The following BMPR1A variants were observed in gnomAD, a reference collection of about 807,000 sequenced individuals.
BMPR1A encodes bone morphogenetic protein receptor type 1A.
Under a neutral mutation model 66.0 loss-of-function variants are expected in BMPR1A, and 7 were observed. That is an observed-to-expected ratio of 0.11 (90% CI 0.06 to 0.20). BMPR1A has a LOEUF of 0.20. Among genes scored for constraint, BMPR1A ranks in the 10% least tolerant of loss-of-function variants. The probability of loss-of-function intolerance (pLI) is 1.00; values close to 1 mark genes in which losing one functional copy is unlikely to be tolerated. For missense variants in BMPR1A, 408 were observed against 669.1 expected (o/e 0.61, Z 4.31); for synonymous variants, 200 against 229.7 (o/e 0.87, Z 1.17).
At chr10:86,883,582 C>A (rs1329462098) in intron 3 of BMPR1A, among the ~76,000 whole-genome samples, 1 of 142,000 alleles carries the variant, frequency 7.0e-6, no homozygotes, top group Non-Finnish European at 1.5e-5. Flanking sequence ...ACCAGCCTGG[C>A]CAACATGGTG....
chr10:86,846,373 G>A lies in BMPR1A; in HGVS notation c.-153+7394G>A, dbSNP rs190091289. 2.5e-4 allele frequency among the ~76,000 whole-genome samples: 38 copies of A among 152,316 alleles called. No individual in the cohort carries two copies. In the East Asian group the frequency reaches 7.1e-3, roughly 29 times the overall value. ...AGAAGCTGGCTGACAGCACTGACAA[G>A]CCATCCTGTCTGTCCTTGGGGTGTA... On this transcript the variant is annotated intron_variant, in intron 2 of 12. Coordinates refer to ENST00000372037, the MANE Select transcript of BMPR1A (RefSeq NM_004329.3).
rs1470558308 is a variant in BMPR1A, at chr10:86,925,405, C to T, written c.*1686C>T. On this transcript the variant is annotated 3_prime_UTR_variant, in exon 13 of 13. Coordinates refer to ENST00000372037, the MANE Select transcript of BMPR1A (RefSeq NM_004329.3). ...ATGTCCACCCATTACCAAAATTTGA[C>T]TATCATTTAAGGTTAAAACTTACAA... 2 of 217,786 alleles carry T rather than the reference C, an allele frequency of 9.2e-6. No homozygotes were observed. The highest frequency in any genetic ancestry group is 1.8e-5 in the Non-Finnish European group (2 of 108,512). 13.5% of individuals were successfully genotyped at this position (217,786 alleles called of 1,614,324 possible).
intron 2 of BMPR1A, among the ~76,000 whole-genome samples, chr10:86,841,763 G>A (rs1032354891): frequency 6.6e-6 from 1 of 152,136 alleles, no homozygotes; most frequent in African/African-American, 2.4e-5. Flanking sequence ...AGAACTTTCA[G>A]TTCCCGCCCC....
At chr10:86,858,733 C>T (rs1842677251) in intron 2 of BMPR1A, among the ~76,000 whole-genome samples, 1 of 152,038 alleles carries the variant, frequency 6.6e-6, no homozygotes, top group Non-Finnish European at 1.5e-5. Flanking sequence ...GGTGAAAGAT[C>T]TCTACAAGGA....
chr10:86,917,461 C>T (rs12263207), intron 9 of BMPR1A, 135 bp downstream of exon 9: 7 of 1,063,696 alleles, frequency 6.6e-6, no homozygotes, highest in African/African-American at 4.7e-5. Context: ...GTAGAATACA[C>T]GGTTTGAATA....
intron 1 of BMPR1A, among the ~76,000 whole-genome samples, chr10:86,770,860 G>A (rs58367932): frequency 0.057 from 8,736 of 152,158 alleles, 825 homozygotes; most frequent in African/African-American, 0.19. Context: ...TGTTTGTACC[G>A]ATTTCAGACC....
At chr10:86,887,976 C>T (rs1040948247) in intron 3 of BMPR1A, among the ~76,000 whole-genome samples, 12 of 152,154 alleles carry the variant, frequency 7.9e-5, no homozygotes, top group African/African-American at 2.9e-4. Context: ...CCTCCTGCTT[C>T]CCCCACCCCA....
chr10:86,836,606 T>C (rs2133097497), intron 1 of BMPR1A, among the ~76,000 whole-genome samples: 1 of 152,236 alleles, frequency 6.6e-6, no homozygotes, highest in South Asian at 2.1e-4. Flanking sequence ...GAAATCAGGC[T>C]GGCCGACATG....
intron 9 of BMPR1A, among the ~76,000 whole-genome samples, chr10:86,918,337 G>A (rs1014207577): frequency 6.6e-6 from 1 of 152,164 alleles, no homozygotes; most frequent in Non-Finnish European, 1.5e-5. Flanking sequence ...AGCACTCACT[G>A]ACCTTTTTCT....
chr10:86,805,578 C>T (rs1331845177), intron 1 of BMPR1A, among the ~76,000 whole-genome samples: 2 of 151,376 alleles, frequency 1.3e-5, no homozygotes, highest in Non-Finnish European at 2.9e-5. Flanking sequence ...TCTCCTGCCT[C>T]AGCCTCCCGA....
intron 11 of BMPR1A, among the ~76,000 whole-genome samples, chr10:86,922,309 G>T (rs1256341568): frequency 6.6e-6 from 1 of 152,180 alleles, no homozygotes; most frequent in Non-Finnish European, 1.5e-5. Flanking sequence ...TCTGTTGATG[G>T]TCACTTAGGT....
At chr10:86,782,673 A>C (rs1232763709) in intron 1 of BMPR1A, among the ~76,000 whole-genome samples, 1 of 151,770 alleles carries the variant, frequency 6.6e-6, no homozygotes, top group East Asian at 1.9e-4. Flanking sequence ...TCAAGTCCTT[A>C]GCTCATTTTA....
chr10:86,820,139 C>T (rs1842099916), intron 1 of BMPR1A, among the ~76,000 whole-genome samples: 1 of 152,292 alleles, frequency 6.6e-6, no homozygotes, highest in South Asian at 2.1e-4. Context: ...ACCTCCCAGG[C>T]TCAAGTGGTT....
At chr10:86,877,925 A>G (rs1052693646) in intron 3 of BMPR1A, among the ~76,000 whole-genome samples, 1 of 152,220 alleles carries the variant, frequency 6.6e-6, no homozygotes, top group Non-Finnish European at 1.5e-5. Context: ...ATTAGGTGGA[A>G]TAAGTTGGTA....
intron 7 of BMPR1A, among the ~76,000 whole-genome samples, chr10:86,901,742 C>G (rs1284283012): frequency 6.6e-6 from 1 of 152,108 alleles, no homozygotes. Context: ...ATAACTGAAT[C>G]TTTGCCAGTA....
chr10:86,847,671 TAC>T (rs1842506576), intron 2 of BMPR1A, among the ~76,000 whole-genome samples: 1 of 151,960 alleles, frequency 6.6e-6, no homozygotes, highest in Admixed American at 6.6e-5. Flanking sequence ...TATTTAAAAA[TAC>T]ACACACACGT....
rs35572415 is a variant in BMPR1A, at chr10:86,919,443, C to T, written c.1140C>T (p.Asp380=). Residue 380 remains aspartate, a synonymous_variant, in exon 10 of 13, where the codon GAC becomes GAT. Coordinates refer to ENST00000372037, the MANE Select transcript of BMPR1A (RefSeq NM_004329.3). ...IKKNGSCCIA[D]LGLAVKFNSD... is the part of the protein sequence containing the mutation. ...AAAATGGGAGTTGCTGCATTGCTGACCTGGGCCTTGCTGTTAAATTCAACA... is the reference window on the plus strand; with the variant it reads ...AAAATGGGAGTTGCTGCATTGCTGATCTGGGCCTTGCTGTTAAATTCAACA... 0.019 allele frequency: 30,270 copies of T among 1,613,362 alleles called. 347 individuals are homozygous for T. The highest frequency in any genetic ancestry group is 0.031 in the Middle Eastern group (176 of 5,614).
intron 2 of BMPR1A, among the ~76,000 whole-genome samples, chr10:86,846,932 A>G (rs1429070872): frequency 6.6e-6 from 1 of 152,108 alleles, no homozygotes; most frequent in African/African-American, 2.4e-5. Context: ...TAGCGGATTT[A>G]CTTCTGGTTT....
chr10:86,776,830 T>TA (rs773906625), intron 1 of BMPR1A, among the ~76,000 whole-genome samples: 21 of 152,200 alleles, frequency 1.4e-4, no homozygotes, highest in Non-Finnish European at 2.4e-4. Context: ...ACTCTTCCAC[T>TA]ACCTTCCTGG....
Sources: gnomAD v4.1 joint callset for allele counts (sites outside exome capture counted in the v4.1 genomes callset) on GRCh38, gnomAD v4.1.1 for gene constraint, MANE v1.5 for transcripts, NCBI Gene and HGNC (gene_info 2026-07-23, HGNC 2026-07-21) for gene names.